The following PKHD1 variants were observed in gnomAD, a reference collection of about 807,000 sequenced individuals.
The protein encoded by PKHD1 is PKHD1 ciliary IPT domain containing fibrocystin/polyductin.
In PKHD1, 291 loss-of-function variants were observed where a neutral mutation model predicts 412.0. The observed-to-expected ratio is 0.71, with a 90% confidence interval of 0.64 to 0.78. The LOEUF (loss-of-function observed/expected upper bound fraction) is 0.78, where lower values mean the gene tolerates loss of function less well. Ranked by LOEUF, PKHD1 falls within the 30% of genes least tolerant of loss-of-function variation. PKHD1 has a pLI of 0.00. For missense variants in PKHD1, 4,825 were observed against 4,950.7 expected, an observed-to-expected ratio of 0.97 and a Z score of 0.76; for synonymous variants, 1,777 against 1,821.5, an observed-to-expected ratio of 0.98 and a Z score of 0.62.
intron 16 of PKHD1, among the ~76,000 whole-genome samples, chr6:52,057,387 C>T (rs534501694): frequency 4.7e-4 from 72 of 152,066 alleles, no homozygotes; most frequent in African/African-American, 1.6e-3. Context: ...CCCTGTAGGG[C>T]ACATTATAGT....
intron 60 of PKHD1, among the ~76,000 whole-genome samples, chr6:51,731,776 A>G (rs765277482): frequency 1.3e-5 from 2 of 152,196 alleles, no homozygotes; most frequent in Non-Finnish European, 2.9e-5. Flanking sequence ...GAATGCAGCT[A>G]CATGTAGCTA....
At chr6:51,906,525 T>G (rs999677159) in intron 40 of PKHD1, among the ~76,000 whole-genome samples, 185 bp from the exon 41 acceptor site, 2 of 145,136 alleles carry the variant, frequency 1.4e-5, no homozygotes, top group African/African-American at 5.1e-5. Context: ...GCCTCAATAA[T>G]AAAAAGGGTG....
At position 51,835,430 on chromosome 6, in the gene PKHD1, T is replaced by C. The variant is rs575691920; in HGVS notation, c.8173+974A>G. Among the ~76,000 whole-genome samples, 6 of 152,338 alleles carry C rather than the reference T, an allele frequency of 3.9e-5. No homozygotes were observed. In the South Asian group the frequency reaches 1.2e-3, roughly 32 times the overall value. ...TAACAGTAATTTTTAAACAACTGTA[T>C]TAATTGATTACTTAGTAGTTTGACT... On this transcript the variant is annotated intron_variant, in intron 51 of 66. Coordinates refer to ENST00000371117, the MANE Select transcript of PKHD1 (RefSeq NM_138694.4).
rs1475116474 is a variant in PKHD1, at chr6:52,022,824, C to T, written c.5357G>A (p.Ser1786Asn). The T allele has an allele frequency of 6.2e-7, 1 of 1,614,100 alleles. No homozygotes were observed. The highest frequency in any genetic ancestry group is 8.5e-7 in the Non-Finnish European group (1 of 1,180,020). ...VLANATVSAF[S>N]CLVLPLDVSL... ...ACCATCCAGGGGCAGAACCAAGCAG[C>T]TGAAGGCAGACACTGTAGCATTAGC... Residue 1786 changes from serine to asparagine, a missense_variant, in exon 33 of 67, where the codon AGC becomes AAC. Ser to Asn is a conservative substitution (Grantham distance 46). Transcript: ENST00000371117.
At chr6:51,910,078 T>A (rs889421705) in intron 39 of PKHD1, among the ~76,000 whole-genome samples, 2 of 151,954 alleles carry the variant, frequency 1.3e-5, no homozygotes, top group Non-Finnish European at 2.9e-5. Context: ...CAACTACAAA[T>A]GCCAGTGAGG....
At chr6:51,680,963 G>A (rs1285616640) in intron 60 of PKHD1, among the ~76,000 whole-genome samples, 4 of 152,060 alleles carry the variant, frequency 2.6e-5, no homozygotes, top group Non-Finnish European at 4.4e-5. Context: ...GTTAAAAATC[G>A]GTTGGTTGTG....
intron 43 of PKHD1, among the ~76,000 whole-genome samples, chr6:51,896,135 G>A (rs1385379303): frequency 2.0e-5 from 3 of 152,210 alleles, no homozygotes; most frequent in Admixed American, 6.5e-5. Context: ...AAACAAAGCA[G>A]CCCGGAAGCT....
chr6:51,902,931 C>T (rs772464277), intron 43 of PKHD1, among the ~76,000 whole-genome samples: 5 of 152,176 alleles, frequency 3.3e-5, no homozygotes, highest in Non-Finnish European at 7.4e-5. Context: ...TTATACACCT[C>T]ATGTCTCAGT....
At chr6:51,782,762 A>G (rs1213962530) in intron 53 of PKHD1, among the ~76,000 whole-genome samples, 7 of 152,272 alleles carry the variant, frequency 4.6e-5, no homozygotes, top group African/African-American at 1.7e-4. Context: ...TTAAATGAAC[A>G]TCACATACAA....
chr6:52,066,295 G>C (rs931506533), intron 11 of PKHD1, among the ~76,000 whole-genome samples: 1 of 152,128 alleles, frequency 6.6e-6, no homozygotes, highest in Non-Finnish European at 1.5e-5. Flanking sequence ...TTGAAAGGAA[G>C]GGGAAATGTG....
chr6:51,861,237 C>T (rs1365670235), intron 48 of PKHD1, among the ~76,000 whole-genome samples: 2 of 152,172 alleles, frequency 1.3e-5, no homozygotes, highest in Non-Finnish European at 2.9e-5. Flanking sequence ...ACTTAGTGCC[C>T]ATGTACTGTA....
rs1384365496 is a variant in PKHD1 at position 52,025,220 on chromosome 6, A to C, written c.4590T>G (p.Phe1530Leu). ...VDDQLPCNVT[F>L]FNASHVVCQT... ...GGCACACAACGTGGCTTGCATTAAA[A>C]AAAGTTACATTGCAAGGAAGTTGAT... Residue 1530 changes from phenylalanine to leucine, a missense_variant, in exon 32 of 67, where the codon TTT becomes TTG. Physicochemically the swap from Phe to Leu is conservative, Grantham distance 22. Transcript: ENST00000371117. The C allele has an allele frequency of 6.2e-7, 1 of 1,614,216 alleles. No individual in the cohort carries two copies.
At chr6:52,056,071 C>T (rs1807678709) in intron 18 of PKHD1, among the ~76,000 whole-genome samples, 1 of 152,164 alleles carries the variant, frequency 6.6e-6, no homozygotes, top group Admixed American at 6.5e-5. Context: ...GGCCCCTCAG[C>T]CCTGGGAGGA....
chr6:52,017,700 G>T, intron 33 of PKHD1, 71 bp from the exon 34 acceptor site: 2 of 1,173,906 alleles, frequency 1.7e-6, no homozygotes, highest in Non-Finnish European at 2.6e-6. Flanking sequence ...TTTCACAAAT[G>T]AAGTTCCTGT....
rs2150230144 is a variant in PKHD1, at chr6:51,616,516, CTAATT to C, written c.*2560_*2564del. The stretch of plus-strand genomic sequence containing the variant: ...TGCTCTCTTTGCTTTTGGTGTTTCC[CTAATT>C]CTCTCATTTTTTTTTTTTTTTAGGA... On this transcript the variant is annotated 3_prime_UTR_variant, in exon 67 of 67. Coordinates refer to ENST00000371117, the MANE Select transcript of PKHD1 (RefSeq NM_138694.4). The C allele has an allele frequency of 2.5e-6, 1 of 392,582 alleles. No homozygotes were observed. Among genetic ancestry groups the C allele is most frequent in the Non-Finnish European group, 4.5e-6 (1 of 223,146 alleles). 24.3% of individuals were successfully genotyped at this position (392,582 alleles called of 1,614,324 possible).
chr6:51,696,883 G>A (rs1215801507), intron 60 of PKHD1, among the ~76,000 whole-genome samples: 1 of 152,128 alleles, frequency 6.6e-6, no homozygotes, highest in Non-Finnish European at 1.5e-5. Context: ...TAGTCTCACA[G>A]GTTTAAAAGG....
At chr6:51,706,171 T>C (rs1251164581) in intron 60 of PKHD1, among the ~76,000 whole-genome samples, 2 of 152,102 alleles carry the variant, frequency 1.3e-5, no homozygotes, top group Non-Finnish European at 2.9e-5. Flanking sequence ...TTTTTCACAA[T>C]TGAAACAGCT....
At chr6:51,912,838 C>T (rs1448530917) in intron 37 of PKHD1, among the ~76,000 whole-genome samples, 1 of 151,950 alleles carries the variant, frequency 6.6e-6, no homozygotes, top group African/African-American at 2.4e-5. Context: ...GTAAAAAGCA[C>T]AAGAATTGTG....
intron 47 of PKHD1, 97 bp from the exon 48 acceptor site, chr6:51,868,206 C>G: frequency 8.8e-7 from 1 of 1,131,614 alleles, no homozygotes; most frequent in East Asian, 2.4e-5. Flanking sequence ...GCATATTTAT[C>G]TAGTTTTACA....
Sources: gnomAD v4.1 joint callset for allele counts (sites outside exome capture counted in the v4.1 genomes callset) on GRCh38, gnomAD v4.1.1 for gene constraint, MANE v1.5 for transcripts, NCBI Gene and HGNC (gene_info 2026-07-23, HGNC 2026-07-21) for gene names.